LRRC52: variants seen among roughly 807,000 people sequenced by gnomAD.
LRRC52 encodes the protein leucine rich repeat containing 52.
Under a neutral mutation model 14.7 loss-of-function variants are expected in LRRC52, and 15 were observed. That is an observed-to-expected ratio of 1.02 (90% confidence interval 0.68 to 1.58). LRRC52 has a LOEUF of 1.58. LRRC52 is among the 40% of genes most tolerant of loss of function. LRRC52 has a pLI of 0.00. For synonymous variants in LRRC52, 180 were observed against 163.9 expected, an observed-to-expected ratio of 1.10 and a Z score of -0.75; for missense variants, 400 against 387.7, an observed-to-expected ratio of 1.03 and a Z score of -0.27.
At position 165,544,918 on chromosome 1, in the gene LRRC52, G is replaced by C; in HGVS notation, c.622G>C (p.Asp208His). ...AATAGTGTTCCATATGGACCCCTCA[G>C]GTGAGGGCTTGATTGGGTGTGGGGA... ...FLIVFHMDPS[D>H]DLNATCVEPT... The change falls in exon 1 of 2, where the codon GAT (aspartate) becomes CAT (histidine). Residue 208 changes from aspartate (D) to histidine (H), a missense_variant and splice_region_variant. Physicochemically the swap from Asp to His is moderately conservative, Grantham distance 81 (BLOSUM62 -1). Transcript: ENST00000294818. 6.2e-7 allele frequency: 1 copy of C among 1,612,746 alleles called. No individual in the cohort carries two copies. Among genetic ancestry groups the C allele is most frequent in the Non-Finnish European group, 8.5e-7 (1 of 1,178,920 alleles).
Position 165,544,859 on chromosome 1 carries a change from G to T in LRRC52, c.563G>T (p.Cys188Phe). 2 of 1,613,898 alleles carry T rather than the reference G, an allele frequency of 1.2e-6. No individual in the cohort carries two copies. The highest frequency in any genetic ancestry group is 1.7e-6 in the Non-Finnish European group (2 of 1,179,798). Reference sequence around the variant, plus strand: ...TTTCTGAGTGGAAACCCCTGGAAGTGCAACTGCTCTTTCCTGGACTTCGCC... The same window carrying T: ...TTTCTGAGTGGAAACCCCTGGAAGTTCAACTGCTCTTTCCTGGACTTCGCC... ...TLFLSGNPWK[C>F]NCSFLDFAIF... The change falls in exon 1 of 2, where the codon TGC becomes TTC. Residue 188 changes from cysteine to phenylalanine, a missense_variant. By Grantham distance (205) the Cys-to-Phe change is radical. Coordinates refer to ENST00000294818, the MANE Select transcript of LRRC52 (RefSeq NM_001005214.4).
At chr1:165,553,749 C>T (rs748652786) in intron 1 of LRRC52, among the ~76,000 whole-genome samples, 1 of 151,780 alleles carries the variant, frequency 6.6e-6, no homozygotes, top group Non-Finnish European at 1.5e-5. Context: ...GAGAAGGAGG[C>T]GAGGGTAAAC....
chr1:165,551,883 T>A (rs1661138223), intron 1 of LRRC52, among the ~76,000 whole-genome samples: 1 of 152,016 alleles, frequency 6.6e-6, no homozygotes, highest in African/African-American at 2.4e-5. Flanking sequence ...AAACTTAGAT[T>A]TCCGGAATGA....
In LRRC52 at chr1:165,544,808, A is replaced by G. The variant is rs1660984161; in HGVS notation, c.512A>G (p.Tyr171Cys). The G allele has an allele frequency of 6.2e-7, 1 of 1,613,730 alleles. No individual in the cohort carries two copies. Among genetic ancestry groups the G allele is most frequent in the African/African-American group, 1.3e-5 (1 of 74,792 alleles). ...CAGACCCTGGACAGTGCTGCCTTAT[A>G]CCACCTCACTACTCTGGAGACCCTG... ...GLQTLDSAAL[Y>C]HLTTLETLFL... Residue 171 changes from tyrosine to cysteine, a missense_variant, in exon 1 of 2, where the codon TAC becomes TGC. Physicochemically the swap from Tyr to Cys is radical, Grantham distance 194. Coordinates refer to ENST00000294818, the MANE Select transcript of LRRC52 (RefSeq NM_001005214.4).
Position 165,544,436 on chromosome 1 carries a change from A to G in LRRC52, c.140A>G (p.Tyr47Cys). ...VICTGKQLTE[Y>C]PLDIPLNTRR... The stretch of plus-strand genomic sequence containing the variant: ...TGCACAGGGAAGCAGTTAACCGAAT[A>G]CCCCCTTGACATACCCCTGAACACC... The change falls in exon 1 of 2, where the codon TAC becomes TGC. Residue 47 changes from tyrosine to cysteine, a missense_variant. Coordinates refer to ENST00000294818, the MANE Select transcript of LRRC52 (RefSeq NM_001005214.4). The G allele has an allele frequency of 1.9e-6, 3 of 1,613,836 alleles. No individual in the cohort carries two copies. Among genetic ancestry groups the G allele is most frequent in the Non-Finnish European group, 2.5e-6 (3 of 1,179,948 alleles).
chr1:165,558,308 G>A (rs564156224), intron 1 of LRRC52, among the ~76,000 whole-genome samples: 112 of 152,322 alleles, frequency 7.4e-4, no homozygotes, highest in Non-Finnish European at 1.2e-3. Flanking sequence ...GGAAAGGGAT[G>A]GCATAAAGTT....
intron 1 of LRRC52, among the ~76,000 whole-genome samples, chr1:165,554,436 G>GTTGTTGTTGTTT (rs1661193978): frequency 6.6e-6 from 1 of 151,890 alleles, no homozygotes; most frequent in South Asian, 2.1e-4. Context: ...GGTTGTTGTT[G>GTTGTTGTTGTTT]TTGTTGTTGT....
At chr1:165,548,020 G>T (rs534841673) in intron 1 of LRRC52, among the ~76,000 whole-genome samples, 1 of 152,186 alleles carries the variant, frequency 6.6e-6, no homozygotes, top group African/African-American at 2.4e-5. Context: ...TACCACATTT[G>T]TTATCAAAAT....
chr1:165,555,295 A>G (rs1661210804), intron 1 of LRRC52, among the ~76,000 whole-genome samples: 3 of 152,224 alleles, frequency 2.0e-5, no homozygotes. Flanking sequence ...AGAGAAGCCA[A>G]GGAAATATTA....
At chr1:165,563,290 A>C (rs1661386732) in intron 1 of LRRC52, among the ~76,000 whole-genome samples, 1 of 152,212 alleles carries the variant, frequency 6.6e-6, no homozygotes, top group African/African-American at 2.4e-5. Flanking sequence ...GATACCCTGA[A>C]GGTCTTGTTG....
At chr1:165,559,072 A>T (rs1245503244) in intron 1 of LRRC52, among the ~76,000 whole-genome samples, 1 of 152,194 alleles carries the variant, frequency 6.6e-6, no homozygotes, top group East Asian at 1.9e-4. Flanking sequence ...CTTTGTATGC[A>T]CCTAATAACA....
chr1:165,548,681 C>T (rs572703906), intron 1 of LRRC52, among the ~76,000 whole-genome samples: 2 of 152,280 alleles, frequency 1.3e-5, no homozygotes, highest in East Asian at 3.9e-4. Flanking sequence ...GTTACTTAAC[C>T]TCTCTGAACT....
At position 165,563,763 on chromosome 1, in the gene LRRC52, T is replaced by C; in HGVS notation, c.881T>C (p.Val294Ala). Reference protein sequence around the residue: ...DEDEAGTRVEVSRRIFQTQTS... With the variant: ...DEDEAGTRVEASRRIFQTQTS... ...GACGAGGCCGGGACTAGGGTGGAAG[T>C]CAGCCGGCGGATTTTTCAAACCCAG... The change falls in exon 2 of 2, where the codon GTC becomes GCC. Residue 294 changes from valine (V) to alanine (A), a missense_variant. Val to Ala is a moderately conservative substitution (Grantham distance 64). Transcript: ENST00000294818. The C allele has an allele frequency of 1.2e-6, 2 of 1,614,112 alleles. No homozygotes were observed. The highest frequency in any genetic ancestry group is 1.7e-6 in the Non-Finnish European group (2 of 1,180,014).
chr1:165,551,996 G>C (rs868574512), intron 1 of LRRC52, among the ~76,000 whole-genome samples: 1 of 132,710 alleles, frequency 7.5e-6, no homozygotes. Flanking sequence ...AAAAAAAAAA[G>C]GCTGGGCAAC....
chr1:165,549,542 A>G (rs1463200544), intron 1 of LRRC52, among the ~76,000 whole-genome samples: 1 of 152,232 alleles, frequency 6.6e-6, no homozygotes, highest in Non-Finnish European at 1.5e-5. Context: ...GAAGAATAAG[A>G]CAAGTGTCCT....
At chr1:165,560,608 A>G (rs1218996282) in intron 1 of LRRC52, among the ~76,000 whole-genome samples, 2 of 152,164 alleles carry the variant, frequency 1.3e-5, no homozygotes, top group East Asian at 3.9e-4. Flanking sequence ...ATGTCCTCTG[A>G]GCTCTGAGGA....
chr1:165,554,435 T>C (rs1233256523), intron 1 of LRRC52, among the ~76,000 whole-genome samples: 5 of 151,422 alleles, frequency 3.3e-5, no homozygotes, highest in Admixed American at 3.3e-4. Flanking sequence ...TGGTTGTTGT[T>C]GTTGTTGTTG....
chr1:165,557,713 TG>T (rs1220354797), intron 1 of LRRC52, among the ~76,000 whole-genome samples: 2 of 151,872 alleles, frequency 1.3e-5, no homozygotes, highest in Non-Finnish European at 2.9e-5. Flanking sequence ...AAAGAAAAAA[TG>T]GGGGAATTAG....
At chr1:165,554,898 G>A (rs1661202076) in intron 1 of LRRC52, among the ~76,000 whole-genome samples, 1 of 152,238 alleles carries the variant, frequency 6.6e-6, no homozygotes, top group Admixed American at 6.5e-5. Context: ...CAGCCAAGAT[G>A]CTTTGGTCAC....
Sources: gnomAD v4.1 joint callset for allele counts (sites outside exome capture counted in the v4.1 genomes callset) on GRCh38, gnomAD v4.1.1 for gene constraint, MANE v1.5 for transcripts, NCBI Gene and HGNC (gene_info 2026-07-23, HGNC 2026-07-21) for gene names.